The following EBF3 variants were observed in gnomAD, a reference collection of about 807,000 sequenced individuals.
EBF3 encodes the protein EBF transcription factor 3.
EBF3 carries 18 observed loss-of-function variants against 77.1 expected under a neutral mutation model. The ratio of observed to expected loss-of-function variants is 0.23; its 90% CI spans 0.16 to 0.35. The LOEUF (loss-of-function observed/expected upper bound fraction) is 0.35. Among genes scored for constraint, EBF3 ranks in the 10% least tolerant of loss-of-function variants. The pLI is 1.00. For synonymous variants in EBF3, 350 were observed against 343.5 expected, an observed-to-expected ratio of 1.02 and a Z score of -0.21; for missense variants, 558 against 860.0, an observed-to-expected ratio of 0.65 and a Z score of 4.39.
chr10:129,942,045 C>A (rs866056694), intron 6 of EBF3, among the ~76,000 whole-genome samples: 25 of 152,164 alleles, frequency 1.6e-4, no homozygotes, highest in African/African-American at 6.0e-4. Context: ...CCCCTGTGTC[C>A]CCGCAGCCAG....
intron 6 of EBF3, among the ~76,000 whole-genome samples, chr10:129,929,627 G>C (rs1856877706): frequency 1.3e-5 from 2 of 152,216 alleles, no homozygotes; most frequent in Non-Finnish European, 2.9e-5. Context: ...TGGATGGGCA[G>C]ACCCTAGACC....
At chr10:129,919,008 C>A (rs1856085396) in intron 6 of EBF3, among the ~76,000 whole-genome samples, 2 of 152,282 alleles carry the variant, frequency 1.3e-5, no homozygotes, top group South Asian at 2.1e-4. Context: ...ACATCAGGCA[C>A]CCGCCCATGG....
intron 9 of EBF3, 104 bp from the exon 10 acceptor site, chr10:129,867,371 C>T (rs1852098486): frequency 6.6e-6 from 10 of 1,525,948 alleles, no homozygotes; most frequent in East Asian, 2.4e-5. Context: ...ATTGGACCAT[C>T]GTCTTGGAAT....
chr10:129,867,685 G>A, intron 9 of EBF3, 97 bp downstream of exon 9: 2 of 1,555,550 alleles, frequency 1.3e-6, no homozygotes, highest in Non-Finnish European at 8.7e-7. Context: ...AGGGGAATTT[G>A]CCATAGGGCA....
intron 8 of EBF3, among the ~76,000 whole-genome samples, chr10:129,868,307 G>T (rs1432914204): frequency 6.6e-6 from 1 of 152,200 alleles, no homozygotes; most frequent in East Asian, 1.9e-4. Context: ...CTTGCATTTC[G>T]ATTCCTCATA....
rs953768673 is a variant in EBF3 at position 129,837,778 on chromosome 10, T to C, written c.*165A>G. 3 of 853,282 alleles carry C rather than the reference T, an allele frequency of 3.5e-6. No homozygotes were observed. The African/African-American group carries it at 5.1e-5, about 15-fold the overall frequency. 52.9% of individuals were successfully genotyped at this position (853,282 alleles called of 1,614,324 possible). The stretch of plus-strand genomic sequence containing the variant: ...GCATGTTGATTCTTAATAGTTTAAA[T>C]AAAATCTTTAAACAAAGTCTTTTGT... On this transcript the variant is annotated 3_prime_UTR_variant, in exon 17 of 17. Transcript: ENST00000440978.
chr10:129,881,188 T>C (rs1252282698), intron 6 of EBF3, among the ~76,000 whole-genome samples: 2 of 152,232 alleles, frequency 1.3e-5, no homozygotes, highest in Non-Finnish European at 1.5e-5. Flanking sequence ...ATAAACTCTT[T>C]ATTACTGCAA....
chr10:129,943,883 G>C lies in EBF3; in HGVS notation c.554+13375C>G, dbSNP rs571108526. 6.6e-6 allele frequency among the ~76,000 whole-genome samples: 1 copy of C among 152,128 alleles called. No homozygotes were observed. The highest frequency in any genetic ancestry group is 1.5e-5 in the Non-Finnish European group (1 of 68,040). On this transcript the variant is annotated intron_variant, in intron 6 of 16. Transcript: ENST00000440978. The surrounding 1 kb of genome is among the most constrained non-coding windows in gnomAD (Gnocchi z 8.8). Reference sequence around the variant, plus strand: ...AACGTTATGGAGGGCGCTGGCCTTCGGCGCAGACCCAGCTGAAACCGTAAA... The same window carrying C: ...AACGTTATGGAGGGCGCTGGCCTTCCGCGCAGACCCAGCTGAAACCGTAAA...
chr10:129,855,166 CACTTG>C (rs996296734), intron 10 of EBF3, among the ~76,000 whole-genome samples: 23 of 152,332 alleles, frequency 1.5e-4, no homozygotes, highest in African/African-American at 5.5e-4. Context: ...TTGAGAAAAA[CACTTG>C]ACTTCTAATT....
rs996226831 is a variant in EBF3, at chr10:129,885,689, C to T, written c.555-7840G>A. Among the ~76,000 whole-genome samples, 5 of 152,130 alleles carry T rather than the reference C, an allele frequency of 3.3e-5. No homozygotes were observed. The highest frequency in any genetic ancestry group is 2.1e-4 in the South Asian group (1 of 4,826). On this transcript the variant is annotated intron_variant, in intron 6 of 16. Coordinates refer to ENST00000440978, the MANE Select transcript of EBF3 (RefSeq NM_001375380.1). The surrounding 1 kb of genome is among the most constrained non-coding windows in gnomAD (Gnocchi z 4.0). ...TCAGTCTGTATTTTGTCTTTCGCTG[C>T]GGGCTCATTAAAACAGCTTCCTCTC...
chr10:129,916,937 C>T lies in EBF3; in HGVS notation c.555-39088G>A, dbSNP rs114772579. On this transcript the variant is annotated intron_variant, in intron 6 of 16. Transcript: ENST00000440978. ...GGGCTAGTGACCCCCAAAGCCACATCCAGGCCTGAGTTTCTAAAACATCAG... is the reference window on the plus strand; with the variant it reads ...GGGCTAGTGACCCCCAAAGCCACATTCAGGCCTGAGTTTCTAAAACATCAG... Among the ~76,000 whole-genome samples the T allele has an allele frequency of 5.0e-3, 769 of 152,320 alleles. 14 individuals carry two copies. Among genetic ancestry groups the T allele is most frequent in the African/African-American group, 0.017 (726 of 41,580 alleles).
chr10:129,846,985 G>A (rs532939569), intron 11 of EBF3, among the ~76,000 whole-genome samples: 10 of 152,200 alleles, frequency 6.6e-5, no homozygotes, highest in East Asian at 3.9e-4. Flanking sequence ...GCCCCCAGCC[G>A]CCCTGGGGGC....
chr10:129,871,198 G>A (rs897130601), intron 8 of EBF3, among the ~76,000 whole-genome samples: 5 of 152,188 alleles, frequency 3.3e-5, no homozygotes, highest in African/African-American at 7.2e-5. Flanking sequence ...GGCAGGGCTC[G>A]CGGAAGGTTT....
intron 6 of EBF3, among the ~76,000 whole-genome samples, chr10:129,946,788 C>T (rs1858259913): frequency 6.6e-6 from 1 of 152,216 alleles, no homozygotes; most frequent in Non-Finnish European, 1.5e-5. Context: ...GGATGGGGAA[C>T]CTCACCATTT....
chr10:129,927,185 C>T lies in EBF3; in HGVS notation c.554+30073G>A, dbSNP rs1386793400. On this transcript the variant is annotated intron_variant, in intron 6 of 16. Coordinates refer to ENST00000440978, the MANE Select transcript of EBF3 (RefSeq NM_001375380.1). ...GGCGATGGGGACAAATAAAAATGCC[C>T]GTTCCCATTCTGTTCTCAGCTGCAC... 2.6e-5 allele frequency among the ~76,000 whole-genome samples: 4 copies of T among 152,166 alleles called. No homozygotes were observed. In the South Asian group the frequency reaches 6.2e-4, roughly 24 times the overall value.
chr10:129,861,094 C>T lies in EBF3; in HGVS notation c.1039+6047G>A, dbSNP rs1291711862. ...CCCACTCTTCAAAGGGCCGTGTTAT[C>T]GAATCTCACCCCAGCACCCACTTAG... On this transcript the variant is annotated intron_variant, in intron 10 of 16. Transcript: ENST00000440978. The surrounding 1 kb of genome is among the most constrained non-coding windows in gnomAD (Gnocchi z 4.3). 1.9e-4 allele frequency among the ~76,000 whole-genome samples: 29 copies of T among 152,322 alleles called. No homozygotes were observed. Among genetic ancestry groups the T allele is most frequent in the Non-Finnish European group, 1.0e-4 (7 of 68,020 alleles).
At chr10:129,900,603 C>A (rs1317888749) in intron 6 of EBF3, among the ~76,000 whole-genome samples, 1 of 152,254 alleles carries the variant, frequency 6.6e-6, no homozygotes, top group Non-Finnish European at 1.5e-5. Flanking sequence ...TGCCAAAGGG[C>A]CTCCAGTTCT....
chr10:129,928,989 A>C (rs1008345644), intron 6 of EBF3, among the ~76,000 whole-genome samples: 15 of 152,136 alleles, frequency 9.9e-5, no homozygotes, highest in African/African-American at 3.6e-4. Flanking sequence ...AGTGGTCTGG[A>C]GTGTGGGGAG....
In EBF3 at chr10:129,947,571, A is replaced by G. The variant is rs1473791476; in HGVS notation, c.554+9687T>C. On this transcript the variant is annotated intron_variant, in intron 6 of 16. Transcript: ENST00000440978. This position sits in a 1 kb window ranked among gnomAD's most constrained non-coding sequence, Gnocchi z 4.5. ...TACTATTTACATATTCCAAAATAGT[A>G]TTATTGAGGAAATAAACCCCTTATA... 6.6e-6 allele frequency among the ~76,000 whole-genome samples: 1 copy of G among 152,204 alleles called. No homozygotes were observed. Among genetic ancestry groups the G allele is most frequent in the African/African-American group, 2.4e-5 (1 of 41,446 alleles).
Sources: allele counts gnomAD v4.1 joint callset (sites outside exome capture counted in the v4.1 genomes callset), GRCh38; gene constraint gnomAD v4.1.1; non-coding constraint Gnocchi (gnomAD v3.1); transcripts MANE v1.5; gene names NCBI Gene and HGNC (gene_info 2026-07-23, HGNC 2026-07-21).